The following EML1 variants were observed in gnomAD, a reference collection of about 807,000 sequenced individuals.
The protein encoded by EML1 is echinoderm microtubule-associated protein-like 1.
In EML1, 27 loss-of-function variants were observed where a neutral mutation model predicts 110.4. The ratio of observed to expected loss-of-function variants is 0.24; its 90% CI spans 0.18 to 0.34. The LOEUF (loss-of-function observed/expected upper bound fraction) is 0.34, where lower values mean the gene tolerates loss of function less well. Among genes scored for constraint, EML1 ranks in the 10% least tolerant of loss-of-function variants. The probability of loss-of-function intolerance (pLI) is 1.00; values close to 1 mark genes in which losing one functional copy is unlikely to be tolerated. For missense variants in EML1, 741 were observed against 1,030.9 expected, an observed-to-expected ratio of 0.72 and a Z score of 3.85; for synonymous variants, 344 against 385.8, an observed-to-expected ratio of 0.89 and a Z score of 1.27.
intron 9 of EML1, among the ~76,000 whole-genome samples, chr14:99,902,519 C>A (rs2059779145): frequency 6.6e-6 from 1 of 152,192 alleles, no homozygotes; most frequent in African/African-American, 2.4e-5. Flanking sequence ...TGTCTCCAGT[C>A]TCCCATTTTT....
chr14:99,813,997 G>A (rs1232903733), intron 1 of EML1, among the ~76,000 whole-genome samples: 1 of 152,140 alleles, frequency 6.6e-6, no homozygotes, highest in African/African-American at 2.4e-5. Context: ...CATCAGAGCA[G>A]TGCAAATTGC....
Position 99,939,177 on chromosome 14 carries a change from G to A in EML1, c.2192-20G>A, listed in dbSNP as rs764440613. The A allele has an allele frequency of 3.1e-6, 5 of 1,613,552 alleles. No homozygotes were observed. Among genetic ancestry groups the A allele is most frequent in the Non-Finnish European group, 4.2e-6 (5 of 1,179,746 alleles). On this transcript the variant is annotated intron_variant, in intron 20 of 21. Coordinates refer to ENST00000262233, the MANE Select transcript of EML1 (RefSeq NM_004434.3). This position sits in a 1 kb window ranked among gnomAD's most constrained non-coding sequence, Gnocchi z 4.2. ...TGGCCCCTGGTGTTTCCAGCGCCCT[G>A]TTTGTGGTCTTTGTTTTAGGAGTGT... is the stretch of plus-strand genomic sequence containing the variant.
intron 6 of EML1, among the ~76,000 whole-genome samples, chr14:99,895,764 T>TA (rs1566924034): frequency 2.1e-4 from 6 of 28,608 alleles, no homozygotes; most frequent in African/African-American, 8.4e-4. Context: ...TCATCCTACT[T>TA]TAAAAAAAAA....
chr14:99,931,959 G>T (rs143680138), intron 17 of EML1, among the ~76,000 whole-genome samples: 9 of 152,304 alleles, frequency 5.9e-5, no homozygotes, highest in African/African-American at 2.2e-4. Flanking sequence ...GGGCTGGGAG[G>T]CACCTCCTCT....
At chr14:99,754,772 C>T (rs944647104) in intron 1 of EML1, among the ~76,000 whole-genome samples, 1 of 152,186 alleles carries the variant, frequency 6.6e-6, no homozygotes, top group African/African-American at 2.4e-5. Flanking sequence ...TCACCTATAA[C>T]GTGGGATGAG....
intron 1 of EML1, among the ~76,000 whole-genome samples, chr14:99,847,057 C>T (rs946022409): frequency 2.8e-5 from 4 of 143,502 alleles, no homozygotes; most frequent in African/African-American, 1.1e-4. Context: ...GTTGTATTTT[C>T]ATTATCATTT....
intron 1 of EML1, among the ~76,000 whole-genome samples, chr14:99,749,549 G>A (rs2140171050): frequency 6.6e-6 from 1 of 152,364 alleles, no homozygotes; most frequent in Middle Eastern, 3.4e-3. Flanking sequence ...GTGAGATAAT[G>A]TCAGGGTCCT....
At chr14:99,860,388 C>T (rs1020552784) in intron 2 of EML1, among the ~76,000 whole-genome samples, 4 of 152,120 alleles carry the variant, frequency 2.6e-5, no homozygotes, top group Non-Finnish European at 5.9e-5. Context: ...TTTGAAACTT[C>T]CCTGCTGCTA....
At chr14:99,897,418 T>C in intron 7 of EML1, 124 bp downstream of exon 7, 1 of 995,310 alleles carries the variant, frequency 1.0e-6, no homozygotes, top group Non-Finnish European at 1.4e-6. Context: ...AATAAATAAA[T>C]AAATGTGATT....
intron 2 of EML1, among the ~76,000 whole-genome samples, chr14:99,856,304 A>G (rs1003973030): frequency 1.4e-5 from 2 of 142,674 alleles, no homozygotes; most frequent in Admixed American, 6.8e-5. Context: ...TAAAACATGA[A>G]TATAATTTGA....
chr14:99,868,019 TA>T (rs1357408006), intron 3 of EML1, among the ~76,000 whole-genome samples: 1 of 152,204 alleles, frequency 6.6e-6, no homozygotes, highest in Non-Finnish European at 1.5e-5. Flanking sequence ...TGTGTTTTTT[TA>T]TCATGAAAAG....
intron 3 of EML1, among the ~76,000 whole-genome samples, chr14:99,870,108 A>G (rs1262745582): frequency 6.6e-6 from 1 of 152,244 alleles, no homozygotes; most frequent in Non-Finnish European, 1.5e-5. Context: ...AGGAAATTCG[A>G]AGTGCTACTC....
chr14:99,844,990 A>G (rs2058685563), intron 1 of EML1, among the ~76,000 whole-genome samples: 1 of 152,206 alleles, frequency 6.6e-6, no homozygotes, highest in Admixed American at 6.5e-5. Context: ...ACATTGGCGT[A>G]TCGGTTTTTG....
chr14:99,851,733 C>T (rs2058810264), intron 2 of EML1, among the ~76,000 whole-genome samples: 1 of 152,094 alleles, frequency 6.6e-6, no homozygotes, highest in African/African-American at 2.4e-5. Flanking sequence ...TCTTTATATG[C>T]ACTTAGCTTA....
intron 1 of EML1, among the ~76,000 whole-genome samples, chr14:99,778,808 G>T (rs1403235352): frequency 6.6e-6 from 1 of 152,072 alleles, no homozygotes; most frequent in African/African-American, 2.4e-5. Flanking sequence ...TTTATCTGTT[G>T]TTTTCTAGCT....
chr14:99,933,078 G>A (rs2060402546), intron 17 of EML1, among the ~76,000 whole-genome samples: 1 of 152,180 alleles, frequency 6.6e-6, no homozygotes, highest in Admixed American at 6.5e-5. Context: ...CTGCACTTCA[G>A]CCTGGGTGAC....
At chr14:99,852,990 T>G (rs2139838608) in intron 2 of EML1, among the ~76,000 whole-genome samples, 1 of 152,370 alleles carries the variant, frequency 6.6e-6, no homozygotes, top group South Asian at 2.1e-4. Context: ...ATGACTGCTG[T>G]GTCTGAAAGG....
chr14:99,738,199 A>C (rs895612601), intron 1 of EML1, among the ~76,000 whole-genome samples: 3 of 152,182 alleles, frequency 2.0e-5, no homozygotes, highest in African/African-American at 7.2e-5. Flanking sequence ...GCCGTGGGCC[A>C]CTGGAACCGC....
intron 1 of EML1, among the ~76,000 whole-genome samples, chr14:99,824,348 A>G (rs2058315663): frequency 6.6e-6 from 1 of 152,174 alleles, no homozygotes; most frequent in Non-Finnish European, 1.5e-5. Context: ...TTTATTTTTT[A>G]GATGCATCAC....
Sources: allele counts gnomAD v4.1 joint callset (sites outside exome capture counted in the v4.1 genomes callset), GRCh38; gene constraint gnomAD v4.1.1; non-coding constraint Gnocchi (gnomAD v3.1); transcripts MANE v1.5; gene names NCBI Gene and HGNC (gene_info 2026-07-23, HGNC 2026-07-21).